The following FARP1 variants were observed in gnomAD, a reference collection of about 807,000 sequenced individuals.
The protein encoded by FARP1 is FERM, ARHGEF and pleckstrin domain-containing protein 1.
FARP1 carries 52 observed loss-of-function variants against 128.8 expected under a neutral mutation model. That is an observed-to-expected ratio of 0.40 (90% CI 0.32 to 0.51). The LOEUF (loss-of-function observed/expected upper bound fraction) is 0.51. Among genes scored for constraint, FARP1 ranks in the 20% least tolerant of loss-of-function variants. The pLI, the probability that FARP1 is intolerant of heterozygous loss-of-function variation, is 0.45. For missense variants in FARP1, 1,333 were observed against 1,367.9 expected, an observed-to-expected ratio of 0.97 and a Z score of 0.40; for synonymous variants, 580 against 551.8, an observed-to-expected ratio of 1.05 and a Z score of -0.72.
intron 18 of FARP1, 73 bp from the exon 19 acceptor site, chr13:98,435,503 G>GAGCTGA: frequency 1.3e-6 from 2 of 1,497,092 alleles, no homozygotes; most frequent in Admixed American, 4.0e-5. Flanking sequence ...CTGCAGCGTT[G>GAGCTGA]AGCTGACAGC....
chr13:98,218,151 C>G (rs1881199681), intron 2 of FARP1, among the ~76,000 whole-genome samples: 1 of 150,936 alleles, frequency 6.6e-6, no homozygotes. Context: ...CGCCCCACAT[C>G]CTCACCCCAT....
intron 2 of FARP1, among the ~76,000 whole-genome samples, chr13:98,305,129 T>A (rs1886087838): frequency 6.7e-6 from 1 of 149,852 alleles, no homozygotes; most frequent in South Asian, 2.1e-4. Flanking sequence ...TTTTTTAATT[T>A]ATTTATTTTT....
intron 6 of FARP1, chr13:98,382,271 A>C (rs1889914213): frequency 6.6e-6 from 1 of 152,176 alleles, no homozygotes; most frequent in African/African-American, 2.4e-5. Flanking sequence ...GTCTGTTTTC[A>C]AATTCCAGAA....
chr13:98,445,235 G>A (rs1449203215), intron 24 of FARP1: 1 of 152,248 alleles, frequency 6.6e-6, no homozygotes, highest in East Asian at 1.9e-4. Context: ...CACAATATTG[G>A]CCAACTTAAC....
At chr13:98,334,827 C>T (rs1228034507) in intron 2 of FARP1, among the ~76,000 whole-genome samples, 1 of 152,200 alleles carries the variant, frequency 6.6e-6, no homozygotes, top group Non-Finnish European at 1.5e-5. Flanking sequence ...TGGCCATCTG[C>T]AAGCCAGGCA....
intron 3 of FARP1, among the ~76,000 whole-genome samples, chr13:98,359,410 T>G (rs1888772465): frequency 6.6e-6 from 1 of 152,194 alleles, no homozygotes; most frequent in Non-Finnish European, 1.5e-5. Context: ...TTCCAGTTGC[T>G]TATGAAATCC....
intron 2 of FARP1, among the ~76,000 whole-genome samples, chr13:98,236,997 GA>G (rs993770441): frequency 2.7e-5 from 4 of 150,262 alleles, no homozygotes; most frequent in Non-Finnish European, 5.9e-5. Context: ...GTCTCAGGGG[GA>G]AAAAAAGAAA....
chr13:98,167,217 A>C lies in FARP1; in HGVS notation c.-24+23725A>C, dbSNP rs531805330. ...TATTGATTTATAGGACTTCCTTTAT[A>C]TATGGAGAATTCTTAATTGATTTAT... is the stretch of plus-strand genomic sequence containing the variant. On this transcript the variant is annotated intron_variant, in intron 1 of 26. Transcript: ENST00000319562. 2.0e-5 allele frequency among the ~76,000 whole-genome samples: 3 copies of C among 152,208 alleles called. No individual in the cohort carries two copies. The South Asian group carries it at 6.2e-4, about 32-fold the overall frequency.
intron 1 of FARP1, among the ~76,000 whole-genome samples, chr13:98,162,241 G>A (rs756663027): frequency 1.4e-4 from 21 of 152,296 alleles, no homozygotes; most frequent in Non-Finnish European, 2.9e-4. Context: ...GACACCTAAA[G>A]TGAGATGAAT....
At chr13:98,403,787 G>T (rs1032411125) in intron 13 of FARP1, 3 of 152,224 alleles carry the variant, frequency 2.0e-5, no homozygotes, top group African/African-American at 7.2e-5. Context: ...GAGCATGGAA[G>T]GCCAAGCTCA....
chr13:98,317,965 T>G (rs1886797427), intron 2 of FARP1, among the ~76,000 whole-genome samples: 1 of 139,516 alleles, frequency 7.2e-6, no homozygotes, highest in African/African-American at 2.6e-5. Context: ...CTGCGTTTCC[T>G]TCCTTCCTTC....
chr13:98,221,490 G>A (rs1881410468), intron 2 of FARP1, among the ~76,000 whole-genome samples: 1 of 152,128 alleles, frequency 6.6e-6, no homozygotes, highest in Admixed American at 6.5e-5. Flanking sequence ...CTTTTGGAAG[G>A]TCTATAAGAA....
chr13:98,370,505 T>C (rs1179831716), intron 5 of FARP1, among the ~76,000 whole-genome samples: 8 of 144,788 alleles, frequency 5.5e-5, no homozygotes, highest in Admixed American at 3.5e-4. Context: ...GGTCCCTCTG[T>C]CTTGGTGATG....
chr13:98,320,370 C>G (rs1886936422), intron 2 of FARP1, among the ~76,000 whole-genome samples: 1 of 152,148 alleles, frequency 6.6e-6, no homozygotes, highest in Non-Finnish European at 1.5e-5. Context: ...ATAGTTTTAC[C>G]CAGTTTGCCC....
At chr13:98,233,932 A>G (rs1229215631) in intron 2 of FARP1, 1 of 152,228 alleles carries the variant, frequency 6.6e-6, no homozygotes, top group East Asian at 1.9e-4. Flanking sequence ...AGAAATGGAA[A>G]AAGAGGAAAT....
intron 1 of FARP1, among the ~76,000 whole-genome samples, chr13:98,153,113 G>T (rs78624974): frequency 0.16 from 23,804 of 151,294 alleles, 2,366 homozygotes; most frequent in Middle Eastern, 0.26. Flanking sequence ...TAACTGGAGT[G>T]TTTGGTTCTC....
At position 98,315,397 on chromosome 13, in the gene FARP1, C is replaced by T. The variant is rs191615128; in HGVS notation, c.172-28365C>T. 4.6e-3 allele frequency among the ~76,000 whole-genome samples: 694 copies of T among 152,278 alleles called. 4 individuals carry two copies. The highest frequency in any genetic ancestry group is 0.02 in the Middle Eastern group (6 of 294). Reference sequence around the variant, plus strand: ...TGGGATTACAGGTATGAGCACCCCTCCCAGACAAGGATGAAGTGTTTTATG... The same window carrying T: ...TGGGATTACAGGTATGAGCACCCCTTCCAGACAAGGATGAAGTGTTTTATG... On this transcript the variant is annotated intron_variant, in intron 2 of 26. Coordinates refer to ENST00000319562, the MANE Select transcript of FARP1 (RefSeq NM_005766.4).
intron 1 of FARP1, among the ~76,000 whole-genome samples, chr13:98,168,446 T>A (rs2139155035): frequency 6.6e-6 from 1 of 152,342 alleles, no homozygotes; most frequent in Admixed American, 6.5e-5. Flanking sequence ...ATTAATCAGA[T>A]CATTAGATAT....
chr13:98,343,724 C>G, intron 2 of FARP1, 38 bp from the exon 3 acceptor site: 1 of 1,408,656 alleles, frequency 7.1e-7, no homozygotes, highest in Non-Finnish European at 1.0e-6. Flanking sequence ...TTCATCCGTG[C>G]CTGCCTCAGG....
Sources: gnomAD v4.1 joint callset for allele counts (sites outside exome capture counted in the v4.1 genomes callset) on GRCh38, gnomAD v4.1.1 for gene constraint, MANE v1.5 for transcripts, NCBI Gene and HGNC (gene_info 2026-07-23, HGNC 2026-07-21) for gene names.